Variants in CNTN4 observed in about 807,000 individuals in gnomAD.
CNTN4 encodes contactin-4.
Under a neutral mutation model 122.5 loss-of-function variants are expected in CNTN4, and 77 were observed. The observed-to-expected ratio is 0.63, with a 90% CI of 0.52 to 0.76. The LOEUF is 0.76. Among genes scored for constraint, CNTN4 ranks in the 30% least tolerant of loss-of-function variants. CNTN4 has a pLI of 0.00. For synonymous variants in CNTN4, 512 were observed against 447.0 expected (o/e 1.15, Z -1.83); for missense variants, 1,256 against 1,259.1 (o/e 1.00, Z 0.04).
intron 4 of CNTN4, among the ~76,000 whole-genome samples, chr3:2,708,649 A>G (rs773628348): frequency 1.3e-5 from 2 of 152,238 alleles, no homozygotes; most frequent in South Asian, 2.1e-4. Context: ...GGAGACCTTC[A>G]TGTACTTCCT....
At chr3:3,044,715 AACTGAGGT>A (rs1485084882) in intron 23 of CNTN4, among the ~76,000 whole-genome samples, 1 of 152,200 alleles carries the variant, frequency 6.6e-6, no homozygotes, top group Non-Finnish European at 1.5e-5. Context: ...CTACATTTCC[AACTGAGGT>A]ACTGGGTTCA....
At chr3:2,877,632 G>A (rs1203845295) in intron 8 of CNTN4, among the ~76,000 whole-genome samples, 4 of 151,722 alleles carry the variant, frequency 2.6e-5, no homozygotes, top group Non-Finnish European at 5.9e-5. Flanking sequence ...GTGTAGACCT[G>A]GGTAGGTCTT....
chr3:3,042,281 G>C (rs760928041), intron 20 of CNTN4, 29 bp from the exon 21 acceptor site: 19 of 1,426,212 alleles, frequency 1.3e-5, no homozygotes, highest in Middle Eastern at 1.7e-4. Context: ...AGCTGATAGA[G>C]TAATAACTAT....
Position 2,907,886 on chromosome 3 carries a change from T to C in CNTN4, c.1207+4881T>C, listed in dbSNP as rs146843104. Reference sequence around the variant, plus strand: ...TTACTCACTGGATGGGCAAACGCCATAGAGAGACTTTTATCTTGAGGTCAG... The same window carrying C: ...TTACTCACTGGATGGGCAAACGCCACAGAGAGACTTTTATCTTGAGGTCAG... On this transcript the variant is annotated intron_variant, in intron 12 of 24. Transcript: ENST00000418658. Among the ~76,000 whole-genome samples, 607 of 152,358 alleles carry C rather than the reference T, an allele frequency of 4.0e-3. 2 individuals are homozygous for C. Among genetic ancestry groups the C allele is most frequent in the Non-Finnish European group, 5.4e-3 (364 of 68,034 alleles).
chr3:2,461,351 T>C (rs906793728), intron 3 of CNTN4, among the ~76,000 whole-genome samples: 1 of 151,362 alleles, frequency 6.6e-6, no homozygotes, highest in Non-Finnish European at 1.5e-5. Context: ...ATTAATTAAT[T>C]AGTTAACATT....
chr3:2,489,054 A>G (rs1334400279), intron 3 of CNTN4, among the ~76,000 whole-genome samples: 2 of 152,128 alleles, frequency 1.3e-5, no homozygotes, highest in African/African-American at 4.8e-5. Flanking sequence ...CTGTTTTTGC[A>G]AATTACTTTT....
chr3:2,492,840 G>A (rs2076354741), intron 3 of CNTN4, among the ~76,000 whole-genome samples: 1 of 152,142 alleles, frequency 6.6e-6, no homozygotes, highest in African/African-American at 2.4e-5. Flanking sequence ...AATACATGGT[G>A]TGATAGTTTA....
chr3:2,185,080 C>G (rs2037185600), intron 2 of CNTN4, among the ~76,000 whole-genome samples: 1 of 152,170 alleles, frequency 6.6e-6, no homozygotes, highest in African/African-American at 2.4e-5. Context: ...CCACACCACT[C>G]AAAGACAACT....
At chr3:3,019,797 T>TATATTTACAC (rs1347478429) in intron 14 of CNTN4, among the ~76,000 whole-genome samples, 1 of 126,320 alleles carries the variant, frequency 7.9e-6, no homozygotes, top group Non-Finnish European at 1.7e-5. Context: ...TATATATATA[T>TATATTTACAC]ACACATGCAT....
At chr3:2,220,123 T>C (rs1056130556) in intron 2 of CNTN4, among the ~76,000 whole-genome samples, 2 of 152,180 alleles carry the variant, frequency 1.3e-5, no homozygotes, top group East Asian at 3.8e-4. Flanking sequence ...TCATGTTCTT[T>C]TACTTTCACT....
At chr3:2,170,187 G>A (rs1037712316) in intron 2 of CNTN4, among the ~76,000 whole-genome samples, 10 of 139,468 alleles carry the variant, frequency 7.2e-5, no homozygotes, top group Non-Finnish European at 1.1e-4. Flanking sequence ...CGGGCGTGGT[G>A]GCGGCGCCTG....
At chr3:2,247,892 A>C (rs2040217210) in intron 2 of CNTN4, among the ~76,000 whole-genome samples, 1 of 151,976 alleles carries the variant, frequency 6.6e-6, no homozygotes, top group Non-Finnish European at 1.5e-5. Context: ...TTCTCTCAGG[A>C]CTTCATGCAT....
At chr3:2,507,540 C>A (rs1198744804) in intron 3 of CNTN4, among the ~76,000 whole-genome samples, 8 of 151,724 alleles carry the variant, frequency 5.3e-5, no homozygotes. Flanking sequence ...TCAAGACCAA[C>A]CTGGCCAACA....
intron 4 of CNTN4, among the ~76,000 whole-genome samples, chr3:2,603,778 CAG>C (rs2081146286): frequency 6.6e-6 from 1 of 152,172 alleles, no homozygotes; most frequent in South Asian, 2.1e-4. Flanking sequence ...AGAAAGAAAA[CAG>C]ATGTGTGTTT....
intron 2 of CNTN4, among the ~76,000 whole-genome samples, chr3:2,170,814 G>T (rs1018297248): frequency 6.6e-6 from 1 of 152,084 alleles, no homozygotes; most frequent in Non-Finnish European, 1.5e-5. Flanking sequence ...AATAGAAATA[G>T]AACAAACCGT....
chr3:2,333,868 A>G (rs1261647508), intron 2 of CNTN4, among the ~76,000 whole-genome samples: 1 of 150,310 alleles, frequency 6.7e-6, no homozygotes, highest in Non-Finnish European at 1.5e-5. Context: ...CATGACCTTT[A>G]CCTCCCACAG....
At chr3:2,761,778 C>G (rs1483615379) in intron 6 of CNTN4, among the ~76,000 whole-genome samples, 1 of 151,998 alleles carries the variant, frequency 6.6e-6, no homozygotes, top group African/African-American at 2.4e-5. Flanking sequence ...GCCATTTATC[C>G]TACATAAAAT....
rs1468479342 is a variant in CNTN4 at position 2,238,768 on chromosome 3, C to T, written c.-144-100410C>T. Reference sequence around the variant, plus strand: ...TTTGAGACGGAGTCTGGCCCTGTCGCCCAGGCTGGAGTGCGGTGGCGCCAT... The same window carrying T: ...TTTGAGACGGAGTCTGGCCCTGTCGTCCAGGCTGGAGTGCGGTGGCGCCAT... On this transcript the variant is annotated intron_variant, in intron 2 of 24. Coordinates refer to ENST00000418658, the MANE Select transcript of CNTN4 (RefSeq NM_175607.3). 2 of 110,786 alleles carry T rather than the reference C, an allele frequency of 1.8e-5. 1 individual carries two copies. Among genetic ancestry groups the T allele is most frequent in the African/African-American group, 6.2e-5 (2 of 32,208 alleles). 6.9% of individuals were successfully genotyped at this position (110,786 alleles called of 1,614,324 possible).
intron 3 of CNTN4, among the ~76,000 whole-genome samples, chr3:2,477,547 C>G (rs2075867454): frequency 6.6e-6 from 1 of 152,038 alleles, no homozygotes; most frequent in South Asian, 2.1e-4. Context: ...GAATGGCAGC[C>G]CAGTTAGAAA....
Sources: gnomAD v4.1 joint callset for allele counts (sites outside exome capture counted in the v4.1 genomes callset) on GRCh38, gnomAD v4.1.1 for gene constraint, MANE v1.5 for transcripts, NCBI Gene and HGNC (gene_info 2026-07-23, HGNC 2026-07-21) for gene names.